Variants in ASB15 observed in about 807,000 individuals in gnomAD.
The protein encoded by ASB15 is ankyrin repeat and SOCS box containing 15.
A neutral mutation model predicts 58.0 loss-of-function variants in ASB15; 54 were observed. The ratio of observed to expected loss-of-function variants is 0.93; its 90% CI spans 0.75 to 1.17. The LOEUF is 1.17. Among genes scored for constraint, ASB15 ranks in the 50% most tolerant of loss-of-function variants. The probability of loss-of-function intolerance (pLI) is 0.00; values close to 1 mark genes in which losing one functional copy is unlikely to be tolerated. For synonymous variants in ASB15, 249 were observed against 262.4 expected, an observed-to-expected ratio of 0.95 and a Z score of 0.50; for missense variants, 680 against 707.4, an observed-to-expected ratio of 0.96 and a Z score of 0.44.
At chr7:123,587,749 A>C (rs2116343358) in intron 1 of ASB15, among the ~76,000 whole-genome samples, 1 of 151,900 alleles carries the variant, frequency 6.6e-6, no homozygotes, top group Admixed American at 6.6e-5. Flanking sequence ...ATATCAAAAA[A>C]GATGTTGATA....
At chr7:123,583,729 C>T (rs1799299500) in intron 1 of ASB15, among the ~76,000 whole-genome samples, 1 of 151,838 alleles carries the variant, frequency 6.6e-6, no homozygotes, top group Admixed American at 6.6e-5. Context: ...GATCCTTAAG[C>T]ATAAGAACAC....
Position 123,624,699 on chromosome 7 carries a change from T to C in ASB15, c.582T>C (p.Ala194=), listed in dbSNP as rs375761323. The change falls in exon 8 of 12, where the codon GCT becomes GCC. Residue 194 remains alanine, a synonymous_variant. Transcript: ENST00000451215. The part of the protein sequence containing the change: ...AAKQGRKDIV[A]LLLKHGGNVH... ...AGCAAGGCCGAAAAGATATCGTAGC[T>C]CTGCTGCTGAAACATGGAGGCAATG... 16 of 1,614,014 alleles carry C rather than the reference T, an allele frequency of 9.9e-6. No individual in the cohort carries two copies. The highest frequency in any genetic ancestry group is 1.4e-5 in the Non-Finnish European group (16 of 1,180,034).
chr7:123,600,842 CA>C (rs1386992919), upstream of ASB15, among the ~76,000 whole-genome samples: 2 of 151,880 alleles, frequency 1.3e-5, no homozygotes. Context: ...ACACTGAGTA[CA>C]AAGAAAATGT....
At chr7:123,598,395 A>T (rs912894572), upstream of ASB15, among the ~76,000 whole-genome samples, 1 of 152,188 alleles carries the variant, frequency 6.6e-6, no homozygotes, top group Non-Finnish European at 1.5e-5. Context: ...AACTGGCAGA[A>T]CTTAGACTAA....
chr7:123,612,384 T>C (rs1325868785), intron 3 of ASB15: 1 of 152,030 alleles, frequency 6.6e-6, no homozygotes, highest in Admixed American at 6.5e-5. Context: ...ATGGTCCAAG[T>C]GAAAACACAA....
chr7:123,600,815 C>T (rs756524783), upstream of ASB15, among the ~76,000 whole-genome samples: 1 of 152,052 alleles, frequency 6.6e-6, no homozygotes, highest in Non-Finnish European at 1.5e-5. Context: ...CTACAATCCA[C>T]GTATTTATAT....
At chr7:123,568,177 G>C (rs1798809776) in intron 1 of ASB15, among the ~76,000 whole-genome samples, 2 of 152,108 alleles carry the variant, frequency 1.3e-5, no homozygotes, top group Admixed American at 6.6e-5. Flanking sequence ...CTGAGATTTG[G>C]ATTAAGTTTA....
At chr7:123,572,791 T>G (rs533304507) in intron 1 of ASB15, among the ~76,000 whole-genome samples, 1 of 152,208 alleles carries the variant, frequency 6.6e-6, no homozygotes, top group South Asian at 2.1e-4. Context: ...GTTTTATACA[T>G]TTGTTACATT....
intron 3 of ASB15, among the ~76,000 whole-genome samples, chr7:123,609,476 G>A (rs1307971024): frequency 2.6e-5 from 4 of 152,192 alleles, no homozygotes; most frequent in Admixed American, 1.3e-4. Flanking sequence ...TGGGGGCAGT[G>A]TGTTATTTAT....
intron 1 of ASB15, among the ~76,000 whole-genome samples, chr7:123,588,239 C>T (rs1304702671): frequency 6.6e-6 from 1 of 151,646 alleles, no homozygotes; most frequent in African/African-American, 2.4e-5. Flanking sequence ...TTTTCTGTTT[C>T]TTCATAGTTC....
chr7:123,584,002 G>T (rs1799306681), intron 1 of ASB15, among the ~76,000 whole-genome samples: 1 of 151,826 alleles, frequency 6.6e-6, no homozygotes, highest in African/African-American at 2.4e-5. Context: ...CATAGCTCTG[G>T]TTAGCCCCGG....
In ASB15 at chr7:123,617,428, C is replaced by A. The variant is rs76903508; in HGVS notation, c.293-151C>A. Reference sequence around the variant, plus strand: ...TCCATGTGCATCTACTTTATCCTCACCGTCATTTGGTAAACTTTTGTCAAA... The same window carrying A: ...TCCATGTGCATCTACTTTATCCTCAACGTCATTTGGTAAACTTTTGTCAAA... On this transcript the variant is annotated intron_variant, in intron 6 of 11. Coordinates refer to ENST00000451215, the MANE Select transcript of ASB15 (RefSeq NM_001290258.2). 4 of 701,398 alleles carry A rather than the reference C, an allele frequency of 5.7e-6. No individual in the cohort carries two copies. The East Asian group carries it at 1.1e-4, about 19-fold the overall frequency. The allele number at this position is 701,398 out of a possible 1,614,324, so 43.4% of individuals were successfully genotyped here. A position where few individuals can be genotyped will look rare whatever the true frequency, so the allele number is the denominator to read the frequency against.
Position 123,638,125 on chromosome 7 carries a change from C to A in ASB15, c.*1144C>A. The A allele has an allele frequency of 6.6e-6, 1 of 152,164 alleles. No individual in the cohort carries two copies. The highest frequency in any genetic ancestry group is 1.5e-5 in the Non-Finnish European group (1 of 68,026). 9.4% of individuals were successfully genotyped at this position (152,164 alleles called of 1,614,324 possible). The stretch of plus-strand genomic sequence containing the variant: ...TTCTTTTTCCTGGGATAATACAATG[C>A]TGCTTATCTGGCTCCCCTGACTCTG... On this transcript the variant is annotated 3_prime_UTR_variant, in exon 12 of 12. Coordinates refer to ENST00000451215, the MANE Select transcript of ASB15 (RefSeq NM_001290258.2).
chr7:123,596,560 C>A (rs1860706), intron 1 of ASB15: 45,027 of 151,968 alleles, frequency 0.3, 6,815 homozygotes, highest in East Asian at 0.4. Flanking sequence ...TGCTGTGAAC[C>A]AAGATCGTAC....
chr7:123,618,737 G>A (rs1305782505), intron 7 of ASB15, among the ~76,000 whole-genome samples: 1 of 151,680 alleles, frequency 6.6e-6, no homozygotes, highest in Non-Finnish European at 1.5e-5. Flanking sequence ...GTTCACAGAG[G>A]AATCACTTAA....
chr7:123,617,493 G>C, intron 6 of ASB15, 86 bp from the exon 7 acceptor site: 1 of 1,178,794 alleles, frequency 8.5e-7, no homozygotes, highest in South Asian at 1.8e-5. Flanking sequence ...TCAATCCGAT[G>C]TATATAATAT....
At chr7:123,591,424 T>C (rs1799533372) in intron 1 of ASB15, among the ~76,000 whole-genome samples, 1 of 152,184 alleles carries the variant, frequency 6.6e-6, no homozygotes, top group Admixed American at 6.5e-5. Flanking sequence ...TAGTAACATA[T>C]TGGCTGTGGG....
chr7:123,583,392 G>C (rs1799288740), intron 1 of ASB15, among the ~76,000 whole-genome samples: 1 of 151,834 alleles, frequency 6.6e-6, no homozygotes, highest in Non-Finnish European at 1.5e-5. Context: ...ATGAAGTGTA[G>C]CAAATTTCTA....
At chr7:123,598,278 T>C (rs1799764111), upstream of ASB15, among the ~76,000 whole-genome samples, 1 of 152,188 alleles carries the variant, frequency 6.6e-6, no homozygotes. Context: ...ATTATGCCCT[T>C]ATTTTGATAA....
Sources: gnomAD v4.1 joint callset for allele counts (sites outside exome capture counted in the v4.1 genomes callset) on GRCh38, gnomAD v4.1.1 for gene constraint, MANE v1.5 for transcripts, NCBI Gene and HGNC (gene_info 2026-07-23, HGNC 2026-07-21) for gene names.